TUB: variants seen among roughly 807,000 people sequenced by gnomAD.
The protein encoded by TUB is TUB bipartite transcription factor, also known as tubby protein homolog.
Under a neutral mutation model 59.7 loss-of-function variants are expected in TUB, and 33 were observed. The observed-to-expected ratio is 0.55, with a 90% CI of 0.42 to 0.74. The LOEUF (loss-of-function observed/expected upper bound fraction) is 0.74, where lower values mean the gene tolerates loss of function less well. Among genes scored for constraint, TUB ranks in the 30% least tolerant of loss-of-function variants. TUB has a pLI of 0.00. For missense variants in TUB, 659 were observed against 672.0 expected, an observed-to-expected ratio of 0.98 and a Z score of 0.21; for synonymous variants, 293 against 256.4, an observed-to-expected ratio of 1.14 and a Z score of -1.36.
At chr11:8,049,578 T>TATATATAGATAGATAGATAG (rs1055522231) in intron 2 of TUB, among the ~76,000 whole-genome samples, 80 of 85,924 alleles carry the variant, frequency 9.3e-4, no homozygotes, top group African/African-American at 2.3e-3. Context: ...TATATATATA[T>TATATATAGATAGATAGATAG]ATAGATAGAT....
chr11:8,040,610 G>C (rs964173122), intron 2 of TUB, among the ~76,000 whole-genome samples: 1 of 152,174 alleles, frequency 6.6e-6, no homozygotes, highest in Non-Finnish European at 1.5e-5. Flanking sequence ...CTCAAACCAG[G>C]TTGACTTTTT....
intron 2 of TUB, among the ~76,000 whole-genome samples, chr11:8,049,568 TATATATATATATAGATAGATAG>T (rs1166395730): frequency 2.4e-5 from 2 of 84,872 alleles, no homozygotes; most frequent in African/African-American, 4.1e-5. Context: ...GTGGTATATA[TATATATATATATAGATAGATAG>T]ATAGATAGAT....
Position 8,097,791 on chromosome 11 carries a change from G to T in TUB, c.963G>T (p.Leu321Phe). Residue 321 changes from leucine (L) to phenylalanine (F), a missense_variant, in exon 8 of 12, where the codon TTG becomes TTT. By Grantham distance (22) the Leu-to-Phe change is conservative (BLOSUM62 0). Transcript: ENST00000299506. Reference sequence around the variant, plus strand: ...TCATCTCTGTGGACCCAACAGACTTGTCTCGAGGAGGGGACAGCTATATCG... The same window carrying T: ...TCATCTCTGTGGACCCAACAGACTTTTCTCGAGGAGGGGACAGCTATATCG... The part of the protein sequence containing the change: ...NYLISVDPTD[L>F]SRGGDSYIGK... 1 of 1,614,044 alleles carries T rather than the reference G, an allele frequency of 6.2e-7. No homozygotes were observed.
At position 8,101,745 on chromosome 11, in the gene TUB, G is replaced by A. The variant is rs1944317420; in HGVS notation, c.*126G>A. On this transcript the variant is annotated 3_prime_UTR_variant, in exon 12 of 12. Transcript: ENST00000299506. ...CAGATGAAGCTTTGGCCCTCAGTGG[G>A]CTCCCTGGCCCAGCCAGCCAGGAAC... is the stretch of plus-strand genomic sequence containing the variant. 1.4e-6 allele frequency: 2 copies of A among 1,445,078 alleles called. No homozygotes were observed. The highest frequency in any genetic ancestry group is 2.5e-5 in the Admixed American group (1 of 40,576). 89.5% of individuals were successfully genotyped at this position (1,445,078 alleles called of 1,614,324 possible). A position where few individuals can be genotyped will look rare whatever the true frequency, so the allele number is the denominator to read the frequency against.
At chr11:8,019,934 A>G (rs922471058) in intron 1 of TUB, among the ~76,000 whole-genome samples, 5 of 152,090 alleles carry the variant, frequency 3.3e-5, no homozygotes, top group African/African-American at 1.2e-4. Context: ...TCGAGTTGCC[A>G]GGCTCCGCGC....
At chr11:8,096,949 C>A in intron 6 of TUB, 143 bp downstream of exon 6, 1 of 1,005,494 alleles carries the variant, frequency 9.9e-7, no homozygotes, top group Non-Finnish European at 1.5e-6. Flanking sequence ...GCCTCCTAAC[C>A]TCTTCAGCTA....
chr11:8,047,359 A>G (rs1166366698), intron 2 of TUB, among the ~76,000 whole-genome samples: 1 of 152,214 alleles, frequency 6.6e-6, no homozygotes, highest in African/African-American at 2.4e-5. Flanking sequence ...GTAAATTTAT[A>G]TCAATCATGA....
At chr11:8,043,912 A>G (rs1942790893) in intron 2 of TUB, among the ~76,000 whole-genome samples, 1 of 152,044 alleles carries the variant, frequency 6.6e-6, no homozygotes, top group Non-Finnish European at 1.5e-5. Flanking sequence ...TTCTTGCCTA[A>G]TCATCTTGGC....
At chr11:8,019,780 C>T (rs553659979) in intron 1 of TUB, among the ~76,000 whole-genome samples, 50 of 151,878 alleles carry the variant, frequency 3.3e-4, no homozygotes, top group African/African-American at 1.1e-3. Context: ...CCGCCGGCGT[C>T]TGCGCCCCGC....
intron 1 of TUB, among the ~76,000 whole-genome samples, chr11:8,088,154 G>C (rs77929521): frequency 2.0e-5 from 3 of 152,196 alleles, no homozygotes; most frequent in South Asian, 2.1e-4. Flanking sequence ...AGAGCAGCTC[G>C]TGGGTACAAG....
chr11:8,087,322 G>A lies in TUB; in HGVS notation c.39-2288G>A, dbSNP rs185484030. 1.1e-3 allele frequency among the ~76,000 whole-genome samples: 167 copies of A among 152,342 alleles called. 1 individual carries two copies. The highest frequency in any genetic ancestry group is 3.8e-3 in the African/African-American group (160 of 41,572). On this transcript the variant is annotated intron_variant, in intron 1 of 11. Transcript: ENST00000299506. ...GAAGTCATCTTCTTTGTCTTGCTCAGCCAAGCCCAGGGCTGGGGATGGCCC... is the reference window on the plus strand; with the variant it reads ...GAAGTCATCTTCTTTGTCTTGCTCAACCAAGCCCAGGGCTGGGGATGGCCC...
At chr11:8,094,303 A>G (rs1943888499) in intron 4 of TUB, 114 bp downstream of exon 4, 3 of 1,345,258 alleles carry the variant, frequency 2.2e-6, no homozygotes, top group Admixed American at 2.7e-5. Flanking sequence ...GCCTCAGGGA[A>G]GACACAGACT....
chr11:8,101,673 T>G lies in TUB; in HGVS notation c.*54T>G, dbSNP rs1405463691. The G allele has an allele frequency of 8.1e-6, 13 of 1,598,528 alleles. No individual in the cohort carries two copies. Among genetic ancestry groups the G allele is most frequent in the Non-Finnish European group, 1.1e-5 (13 of 1,172,860 alleles). On this transcript the variant is annotated 3_prime_UTR_variant, in exon 12 of 12. Transcript: ENST00000299506. The stretch of plus-strand genomic sequence containing the variant: ...CAGCCTGGAGCGGAGCTTGCCTGCC[T>G]GCCTGTGGAGACAGCCCTGCCTATC...
chr11:8,051,275 CTG>C (rs1428880193), intron 2 of TUB, among the ~76,000 whole-genome samples: 1 of 152,092 alleles, frequency 6.6e-6, no homozygotes, highest in Non-Finnish European at 1.5e-5. Context: ...ATTGTGTAAA[CTG>C]TTTTGTCATC....
chr11:8,094,722 C>G (rs1943908160), intron 4 of TUB, among the ~76,000 whole-genome samples: 1 of 152,252 alleles, frequency 6.6e-6, no homozygotes, highest in Admixed American at 6.5e-5. Context: ...AGATTAAGGA[C>G]AGTGATTGGC....
chr11:8,079,313 G>A (rs1341398571), upstream of TUB, among the ~76,000 whole-genome samples: 1 of 152,116 alleles, frequency 6.6e-6, no homozygotes, highest in African/African-American at 2.4e-5. Context: ...TGATCTCTAG[G>A]CAAGGTTCTG....
intron 2 of TUB, among the ~76,000 whole-genome samples, chr11:8,072,341 T>C (rs1362713480): frequency 6.6e-6 from 1 of 151,990 alleles, no homozygotes; most frequent in African/African-American, 2.4e-5. Context: ...TCCTAGAGCC[T>C]AGGCAGGGCA....
rs1944413930 is a variant in TUB, at chr11:8,104,008, T to A, written c.*2389T>A. ...AGAAGGATAGCCTCAGCCACAAAAC[T>A]CTGTCAGGCATTGAATGACAAGCAT... On this transcript the variant is annotated 3_prime_UTR_variant, in exon 12 of 12. Coordinates refer to ENST00000299506, the MANE Select transcript of TUB (RefSeq NM_177972.3). The A allele has an allele frequency of 6.6e-6, 1 of 152,182 alleles. No individual in the cohort carries two copies. Among genetic ancestry groups the A allele is most frequent in the Non-Finnish European group, 1.5e-5 (1 of 68,048 alleles). 9.4% of individuals were successfully genotyped at this position (152,182 alleles called of 1,614,324 possible).
chr11:8,060,991 C>A (rs528062750), intron 2 of TUB, among the ~76,000 whole-genome samples: 2 of 152,294 alleles, frequency 1.3e-5, no homozygotes, highest in Admixed American at 1.3e-4. Flanking sequence ...GGATGCCGCT[C>A]AGTTTGCCCC....
Sources: gnomAD v4.1 joint callset for allele counts (sites outside exome capture counted in the v4.1 genomes callset) on GRCh38, gnomAD v4.1.1 for gene constraint, MANE v1.5 for transcripts, NCBI Gene and HGNC (gene_info 2026-07-23, HGNC 2026-07-21) for gene names.